SLC6A20: variants seen among roughly 807,000 people sequenced by gnomAD.
SLC6A20 encodes the protein sodium- and chloride-dependent transporter XTRP3.
SLC6A20 carries 73 observed loss-of-function variants against 64.3 expected under a neutral mutation model. The observed-to-expected ratio is 1.14, with a 90% CI of 0.94 to 1.38. The LOEUF (loss-of-function observed/expected upper bound fraction) is 1.38, where lower values mean the gene tolerates loss of function less well. Ranked by LOEUF, SLC6A20 falls within the 40% of genes most tolerant of loss-of-function variation. The pLI, the probability that SLC6A20 is intolerant of heterozygous loss-of-function variation, is 0.00. For missense variants in SLC6A20, 725 were observed against 772.8 expected (o/e 0.94, Z 0.73); for synonymous variants, 347 against 329.6 (o/e 1.05, Z -0.57).
intron 1 of SLC6A20, among the ~76,000 whole-genome samples, chr3:45,783,501 G>T (rs1700129084): frequency 6.6e-6 from 1 of 152,232 alleles, no homozygotes; most frequent in African/African-American, 2.4e-5. Context: ...TTAAAGAGCT[G>T]CATGATGTTC....
intron 4 of SLC6A20, among the ~76,000 whole-genome samples, chr3:45,775,160 G>A (rs1376275715): frequency 1.3e-5 from 2 of 152,198 alleles, no homozygotes; most frequent in East Asian, 3.9e-4. Flanking sequence ...ACCAAGAAAG[G>A]ATTATGGAGA....
At position 45,763,049 on chromosome 3, in the gene SLC6A20, C is replaced by T; in HGVS notation, c.1327G>A (p.Ala443Thr). Residue 443 changes from alanine (A) to threonine (T), a missense_variant, in exon 9 of 11, where the codon GCC (alanine) becomes ACC (threonine). By Grantham distance (58) the Ala-to-Thr change is moderately conservative. Transcript: ENST00000358525. ...TCCATCGTGAACACCATGCCAATGG[C>T]ACAGTTGACAAGGCACACCAGACCT... ...ISGLVCLVNC[A>T]IGMVFTMEAG... 1 of 1,614,148 alleles carries T rather than the reference C, an allele frequency of 6.2e-7. No individual in the cohort carries two copies. Among genetic ancestry groups the T allele is most frequent in the Non-Finnish European group, 8.5e-7 (1 of 1,180,042 alleles).
intron 2 of SLC6A20, among the ~76,000 whole-genome samples, chr3:45,780,324 G>C (rs1330610745): frequency 5.9e-5 from 9 of 152,246 alleles, no homozygotes; most frequent in Non-Finnish European, 1.2e-4. Context: ...TTCTGGGACA[G>C]GAGGCTGATG....
At chr3:45,763,754 C>A (rs1260303863) in intron 8 of SLC6A20, among the ~76,000 whole-genome samples, 29 of 152,216 alleles carry the variant, frequency 1.9e-4, no homozygotes, top group Admixed American at 1.9e-3. Flanking sequence ...CCTCCAGAAC[C>A]TGGGCCTTCA....
At chr3:45,770,549 T>C (rs546616935) in intron 6 of SLC6A20, among the ~76,000 whole-genome samples, 178 bp from the exon 7 acceptor site, 7 of 152,156 alleles carry the variant, frequency 4.6e-5, no homozygotes, top group African/African-American at 1.7e-4. Flanking sequence ...TGAACAGTGA[T>C]GACAACAGGC....
intron 3 of SLC6A20, among the ~76,000 whole-genome samples, chr3:45,779,291 C>A (rs936485429): frequency 6.6e-6 from 1 of 152,154 alleles, no homozygotes; most frequent in African/African-American, 2.4e-5. Flanking sequence ...AGCCAGGTAA[C>A]AGAAATGAGC....
chr3:45,760,082 C>T, intron 9 of SLC6A20, 60 bp from the exon 10 acceptor site: 2 of 1,541,440 alleles, frequency 1.3e-6, no homozygotes. Context: ...TCAGGGCGTC[C>T]AGCTTGCCTG....
intron 3 of SLC6A20, among the ~76,000 whole-genome samples, chr3:45,776,910 C>T (rs755010145): frequency 7.2e-5 from 11 of 152,166 alleles, no homozygotes; most frequent in African/African-American, 9.7e-5. Context: ...AGGCTGCTGG[C>T]GTGTCACTTA....
chr3:45,787,980 C>G (rs1194729475), intron 1 of SLC6A20, among the ~76,000 whole-genome samples: 3 of 152,162 alleles, frequency 2.0e-5, no homozygotes, highest in Non-Finnish European at 4.4e-5. Context: ...GGGTCTCGCT[C>G]TGTTGCCCAG....
Position 45,759,959 on chromosome 3 carries a change from C to T in SLC6A20, c.1527G>A (p.Trp509Ter), listed in dbSNP as rs1427609788. 1 of 1,614,078 alleles carries T rather than the reference C, an allele frequency of 6.2e-7. No homozygotes were observed. Among genetic ancestry groups the T allele is most frequent in the African/African-American group, 1.3e-5 (1 of 74,940 alleles). ...RAVSWYWKVMWAGVSPLLIVS... is the reference protein window; with the variant it reads ...RAVSWYWKVM ...CAATCAGCAGTGGGCTTACGCCAGC[C>T]CACATCACCTTCCAGTACCAGCTCA... The change falls in exon 10 of 11, where the codon TGG becomes TGA. Residue 509 changes from tryptophan to a stop codon, truncating the protein, a stop_gained. Transcript: ENST00000358525. LOFTEE classifies it high-confidence loss of function.
chr3:45,771,608 C>T, intron 5 of SLC6A20, 150 bp from the exon 6 acceptor site: 1 of 1,228,122 alleles, frequency 8.1e-7, no homozygotes, highest in Non-Finnish European at 1.1e-6. Context: ...ACCAGCTCTC[C>T]TGGCCCCATC....
intron 10 of SLC6A20, 116 bp downstream of exon 10, chr3:45,759,741 G>A (rs978200330): frequency 1.2e-5 from 15 of 1,297,702 alleles, no homozygotes; most frequent in African/African-American, 1.5e-5. Context: ...TTTCCATGTC[G>A]TGACAAATAA....
intron 4 of SLC6A20, among the ~76,000 whole-genome samples, chr3:45,775,308 C>T (rs1332184198): frequency 6.6e-6 from 1 of 152,144 alleles, no homozygotes; most frequent in African/African-American, 2.4e-5. Flanking sequence ...ACACCCCAGA[C>T]TGGTTACTGC....
Position 45,759,129 on chromosome 3 carries a change from TGAAAG to T in SLC6A20, c.1630-7_1630-3del, listed in dbSNP as rs1699612983. The T allele has an allele frequency of 6.2e-7, 1 of 1,608,120 alleles. No individual in the cohort carries two copies. ...GTAATCTTTGGTCACGAGCTGGCCCTGAAAGGAGAGACTGAGTGTCAGCAGAGAGC... is the reference window on the plus strand; with the variant it reads ...GTAATCTTTGGTCACGAGCTGGCCCTGAGAGACTGAGTGTCAGCAGAGAGC... On this transcript the variant is annotated splice_polypyrimidine_tract_variant and splice_region_variant and intron_variant, in intron 10 of 10. Coordinates refer to ENST00000358525, the MANE Select transcript of SLC6A20 (RefSeq NM_020208.4).
At chr3:45,786,896 C>T (rs1162471985) in intron 1 of SLC6A20, among the ~76,000 whole-genome samples, 5 of 152,208 alleles carry the variant, frequency 3.3e-5, no homozygotes, top group Non-Finnish European at 7.3e-5. Context: ...ATGAGTGGGA[C>T]GCTTACAGTC....
rs1210580528 is a variant in SLC6A20 at position 45,757,251 on chromosome 3, C to G, written c.*1727G>C. Reference sequence around the variant, plus strand: ...CAGGAGACAGAAGCCTTCCTCTTATCTCAACTGCAAAGAGGCCTCCCTCCT... The same window carrying G: ...CAGGAGACAGAAGCCTTCCTCTTATGTCAACTGCAAAGAGGCCTCCCTCCT... On this transcript the variant is annotated 3_prime_UTR_variant, in exon 11 of 11. Transcript: ENST00000358525. 6.6e-6 allele frequency: 1 copy of G among 151,636 alleles called. No individual in the cohort carries two copies. The highest frequency in any genetic ancestry group is 1.5e-5 in the Non-Finnish European group (1 of 68,040). The allele number at this position is 151,636 out of a possible 1,614,324, so 9.4% of individuals were successfully genotyped here.
intron 10 of SLC6A20, 72 bp downstream of exon 10, chr3:45,759,785 C>T (rs756222277): frequency 1.8e-4 from 275 of 1,518,118 alleles, no homozygotes; most frequent in Non-Finnish European, 2.3e-4. Context: ...CCCCTGGTTT[C>T]GGAAAATGAA....
intron 10 of SLC6A20, 140 bp from the exon 11 acceptor site, chr3:45,759,267 G>T: frequency 2.4e-6 from 2 of 840,936 alleles, no homozygotes; most frequent in Non-Finnish European, 3.5e-6. Flanking sequence ...GGGGCCACGG[G>T]CTCTGCAATT....
intron 9 of SLC6A20, among the ~76,000 whole-genome samples, chr3:45,761,783 A>T (rs996643052): frequency 6.6e-6 from 1 of 152,166 alleles, no homozygotes; most frequent in African/African-American, 2.4e-5. Context: ...TCTCTTTGGG[A>T]TCCACAACTG....
Sources: allele counts gnomAD v4.1 joint callset (sites outside exome capture counted in the v4.1 genomes callset), GRCh38; gene constraint gnomAD v4.1.1; transcripts MANE v1.5; gene names NCBI Gene and HGNC (gene_info 2026-07-23, HGNC 2026-07-21).